The following MIPEP variants were observed in gnomAD, a reference collection of about 807,000 sequenced individuals.
The protein encoded by MIPEP is mitochondrial intermediate peptidase.
MIPEP carries 79 observed loss-of-function variants against 90.3 expected under a neutral mutation model. The ratio of observed to expected loss-of-function variants is 0.87; its 90% CI spans 0.73 to 1.05. The LOEUF (loss-of-function observed/expected upper bound fraction) is 1.05. MIPEP is among the 50% of genes least tolerant of loss of function. The pLI, the probability that MIPEP is intolerant of heterozygous loss-of-function variation, is 0.00. For synonymous variants in MIPEP, 334 were observed against 315.8 expected (o/e 1.06, Z -0.61); for missense variants, 940 against 905.6 (o/e 1.04, Z -0.49).
chr13:23,752,155 A>G (rs1288259534), intron 18 of MIPEP, among the ~76,000 whole-genome samples: 3 of 152,226 alleles, frequency 2.0e-5, no homozygotes, highest in Admixed American at 6.5e-5. Context: ...TTATCAGAGG[A>G]TAAGTAAAAT....
chr13:23,753,306 G>A (rs1952460933), intron 18 of MIPEP, among the ~76,000 whole-genome samples: 1 of 152,010 alleles, frequency 6.6e-6, no homozygotes, highest in Non-Finnish European at 1.5e-5. Flanking sequence ...CTCCCGCAAG[G>A]AAATTAAGTG....
intron 16 of MIPEP, among the ~76,000 whole-genome samples, chr13:23,786,063 A>C (rs1385881387): frequency 6.6e-6 from 1 of 152,142 alleles, no homozygotes; most frequent in African/African-American, 2.4e-5. Flanking sequence ...TACAAAAAAC[A>C]GTAATAAAAA....
intron 18 of MIPEP, among the ~76,000 whole-genome samples, chr13:23,739,380 G>A (rs1357806054): frequency 6.6e-6 from 1 of 152,328 alleles, no homozygotes; most frequent in East Asian, 1.9e-4. Flanking sequence ...AGCAGGGTAT[G>A]TTTTGATTAC....
chr13:23,737,463 A>C (rs1392285647), intron 18 of MIPEP, among the ~76,000 whole-genome samples: 1 of 152,122 alleles, frequency 6.6e-6, no homozygotes, highest in African/African-American at 2.4e-5. Flanking sequence ...AACCCCTTCA[A>C]ACAGTAGCCT....
At position 23,870,052 on chromosome 13, in the gene MIPEP, G is replaced by T. The variant is rs1230775111; in HGVS notation, c.747C>A (p.Ile249=). Residue 249 remains isoleucine, a synonymous_variant, in exon 6 of 19, where the codon ATC becomes ATA. Transcript: ENST00000382172. ...ATTCTGCGTGGAGACCATCAATTAT[G>T]ATATGATCCCCAGCAGATGTAAAGT... is the stretch of plus-strand genomic sequence containing the variant. ...RRNFTSAGDH[I]IIDGLHAESP... 3.7e-6 allele frequency: 6 copies of T among 1,609,734 alleles called. No individual in the cohort carries two copies. The highest frequency in any genetic ancestry group is 1.3e-5 in the African/African-American group (1 of 74,748).
intron 16 of MIPEP, among the ~76,000 whole-genome samples, chr13:23,763,989 A>T (rs894317119): frequency 3.8e-4 from 58 of 152,366 alleles, no homozygotes; most frequent in Admixed American, 1.1e-3. Flanking sequence ...CTGGAAAAAT[A>T]AAATATAGCA....
At chr13:23,795,193 T>C (rs1314804394) in intron 16 of MIPEP, among the ~76,000 whole-genome samples, 2 of 149,434 alleles carry the variant, frequency 1.3e-5, no homozygotes, top group Non-Finnish European at 3.0e-5. Context: ...GGAGGAAACT[T>C]CTTCCCCAGG....
chr13:23,864,207 A>G lies in MIPEP; in HGVS notation c.944-18T>C. 6.7e-7 allele frequency: 1 copy of G among 1,497,276 alleles called. No individual in the cohort carries two copies. The highest frequency in any genetic ancestry group is 9.1e-7 in the Non-Finnish European group (1 of 1,100,180). 92.7% of individuals were successfully genotyped at this position (1,497,276 alleles called of 1,614,324 possible). On this transcript the variant is annotated intron_variant, in intron 7 of 18. Transcript: ENST00000382172. ...GACAGTCTCTAAAACGAAATCCAAA[A>G]GAAAATATCTTCAATTATGTGAAAT...
chr13:23,747,280 G>A (rs187166786), intron 18 of MIPEP, among the ~76,000 whole-genome samples: 2 of 152,270 alleles, frequency 1.3e-5, no homozygotes, highest in East Asian at 3.9e-4. Context: ...TCTCCTTCCT[G>A]CATGCTGCTT....
At chr13:23,802,273 A>C (rs1953052385) in intron 16 of MIPEP, among the ~76,000 whole-genome samples, 1 of 152,174 alleles carries the variant, frequency 6.6e-6, no homozygotes, top group South Asian at 2.1e-4. Flanking sequence ...AAGTAATTTA[A>C]AAATATAACC....
At chr13:23,809,341 G>A (rs1385124542) in intron 15 of MIPEP, among the ~76,000 whole-genome samples, 2 of 148,772 alleles carry the variant, frequency 1.3e-5, no homozygotes, top group East Asian at 1.9e-4. Flanking sequence ...ACTGAAAACG[G>A]GAAATAGTCT....
Position 23,756,617 on chromosome 13 carries a change from C to T in MIPEP, c.1972G>A (p.Ala658Thr), listed in dbSNP as rs1392517333. ...ECFLQDPFNR[A>T]AGERYRREML... is the part of the protein sequence containing the mutation. Reference sequence around the variant, plus strand: ...TCCCTGCGATAGCGCTCCCCGGCAGCCCTGGGGAAGAGAGGTTCTGTTACA... The same window carrying T: ...TCCCTGCGATAGCGCTCCCCGGCAGTCCTGGGGAAGAGAGGTTCTGTTACA... Residue 658 changes from alanine (A) to threonine (T), a missense_variant and splice_region_variant, in exon 18 of 19, where the codon GCT becomes ACT. By Grantham distance (58) the Ala-to-Thr change is moderately conservative. Coordinates refer to ENST00000382172, the MANE Select transcript of MIPEP (RefSeq NM_005932.4). The T allele has an allele frequency of 4.3e-6, 7 of 1,612,430 alleles. No individual in the cohort carries two copies. Among genetic ancestry groups the T allele is most frequent in the Non-Finnish European group, 5.9e-6 (7 of 1,179,904 alleles).
At chr13:23,879,100 G>T (rs1187840085) in intron 4 of MIPEP, among the ~76,000 whole-genome samples, 168 bp downstream of exon 4, 3 of 152,170 alleles carry the variant, frequency 2.0e-5, no homozygotes, top group Admixed American at 1.3e-4. Flanking sequence ...GATTTTGGAG[G>T]AGACACCATT....
chr13:23,814,482 C>T (rs973757969), intron 14 of MIPEP, among the ~76,000 whole-genome samples: 2 of 152,058 alleles, frequency 1.3e-5, no homozygotes, highest in Admixed American at 6.5e-5. Flanking sequence ...AGGATGGTCT[C>T]GATCTCCTGA....
In MIPEP at chr13:23,862,336, C is replaced by T. The variant is rs11551114; in HGVS notation, c.1019G>A (p.Arg340Gln). 0.12 allele frequency: 190,651 copies of T among 1,574,026 alleles called. 13,002 individuals are homozygous for T. The highest frequency in any genetic ancestry group is 0.14 in the Non-Finnish European group (160,361 of 1,150,172). Residue 340 changes from arginine (R) to glutamine (Q), a missense_variant, in exon 9 of 19, where the codon CGA becomes CAA. Physicochemically the swap from Arg to Gln is conservative, Grantham distance 43. Coordinates refer to ENST00000382172, the MANE Select transcript of MIPEP (RefSeq NM_005932.4). ...AGGATTCAGTTTCATTTTCATCCCT[C>T]GTATCATCTCAAAATCTTTCAGAGT... ...ERTLKDFEMI[R>Q]GMKMKLNPQN... is the part of the protein sequence containing the mutation.
At chr13:23,879,817 T>C (rs12875437) in intron 3 of MIPEP, among the ~76,000 whole-genome samples, 61,136 of 151,898 alleles carry the variant, frequency 0.4, 12,487 homozygotes, top group East Asian at 0.45. Flanking sequence ...TTATTTAGAC[T>C]TTAGGCTGCC....
intron 18 of MIPEP, among the ~76,000 whole-genome samples, chr13:23,737,095 G>A (rs1197152258): frequency 6.6e-6 from 1 of 152,202 alleles, no homozygotes; most frequent in Non-Finnish European, 1.5e-5. Flanking sequence ...ATTTCCTGAT[G>A]CCACCCATGA....
chr13:23,863,673 C>G (rs17339599), intron 8 of MIPEP, among the ~76,000 whole-genome samples: 13,842 of 152,106 alleles, frequency 0.091, 847 homozygotes, highest in Non-Finnish European at 0.14. Flanking sequence ...CTTGTTATAA[C>G]AAACGGACAC....
intron 18 of MIPEP, 29 bp from the exon 19 acceptor site, chr13:23,730,474 G>T (rs367758308): frequency 5.4e-6 from 8 of 1,477,730 alleles, no homozygotes; most frequent in Middle Eastern, 1.7e-4. Context: ...TCAGAACTGC[G>T]TTCACCAGGA....
Sources: gnomAD v4.1 joint callset for allele counts (sites outside exome capture counted in the v4.1 genomes callset) on GRCh38, gnomAD v4.1.1 for gene constraint, MANE v1.5 for transcripts, NCBI Gene and HGNC (gene_info 2026-07-23, HGNC 2026-07-21) for gene names.